The following PTPRT variants were observed in gnomAD, a reference collection of about 807,000 sequenced individuals.
The protein encoded by PTPRT is protein tyrosine phosphatase receptor type T.
PTPRT carries 56 observed loss-of-function variants against 176.8 expected under a neutral mutation model. That is an observed-to-expected ratio of 0.32 (90% confidence interval 0.26 to 0.40). PTPRT has a LOEUF of 0.40. Among genes scored for constraint, PTPRT ranks in the 10% least tolerant of loss-of-function variants. The pLI, the probability that PTPRT is intolerant of heterozygous loss-of-function variation, is 1.00. For missense variants in PTPRT, 1,540 were observed against 1,908.2 expected, an observed-to-expected ratio of 0.81 and a Z score of 3.60; for synonymous variants, 783 against 739.0, an observed-to-expected ratio of 1.06 and a Z score of -0.96.
At chr20:42,853,552 T>C (rs938219034) in intron 2 of PTPRT, among the ~76,000 whole-genome samples, 2 of 151,786 alleles carry the variant, frequency 1.3e-5, no homozygotes, top group African/African-American at 4.8e-5. Context: ...AGGAGAAGAG[T>C]CCTAGCTCAA....
chr20:43,123,352 T>C lies in PTPRT; in HGVS notation c.88+66294A>G, dbSNP rs192833271. 3.9e-5 allele frequency among the ~76,000 whole-genome samples: 6 copies of C among 152,340 alleles called. No individual in the cohort carries two copies. In the East Asian group the frequency reaches 9.7e-4, roughly 25 times the overall value. On this transcript the variant is annotated intron_variant, in intron 1 of 30. Transcript: ENST00000373187. ...TCCACACTAGGTCTTTTAGAATGCA[T>C]GTTGTGGCAGAAACTGTCAGTCATC...
At chr20:42,983,655 G>A (rs1983400792) in intron 1 of PTPRT, among the ~76,000 whole-genome samples, 1 of 152,214 alleles carries the variant, frequency 6.6e-6, no homozygotes, top group South Asian at 2.1e-4. Context: ...AGTCCACAGG[G>A]AGGTGTGGCC....
chr20:42,723,717 T>C (rs1011847647), intron 6 of PTPRT, among the ~76,000 whole-genome samples: 1 of 152,214 alleles, frequency 6.6e-6, no homozygotes, highest in African/African-American at 2.4e-5. Context: ...CCACGTGCTT[T>C]TGAGATATCC....
chr20:42,964,554 G>T (rs1982187009), intron 1 of PTPRT, among the ~76,000 whole-genome samples: 1 of 152,048 alleles, frequency 6.6e-6, no homozygotes, highest in African/African-American at 2.4e-5. Flanking sequence ...AATAGTTTGA[G>T]AATTTAATAC....
At position 42,077,886 on chromosome 20, in the gene PTPRT, C is replaced by T. The variant is rs1982935285; in HGVS notation, c.*2993G>A. 2 of 203,682 alleles carry T rather than the reference C, an allele frequency of 9.8e-6. No homozygotes were observed. Among genetic ancestry groups the T allele is most frequent in the Admixed American group, 6.0e-5 (1 of 16,590 alleles). 12.6% of individuals were successfully genotyped at this position (203,682 alleles called of 1,614,324 possible). ...TCCTACCATTTAAAATGATAAAAGCCACTGTCTTTTGTATCTGCCAGCTAT... is the reference window on the plus strand; with the variant it reads ...TCCTACCATTTAAAATGATAAAAGCTACTGTCTTTTGTATCTGCCAGCTAT... On this transcript the variant is annotated 3_prime_UTR_variant, in exon 31 of 31. Transcript: ENST00000373187.
intron 16 of PTPRT, among the ~76,000 whole-genome samples, chr20:42,180,918 T>C (rs1990492363): frequency 6.6e-6 from 1 of 152,234 alleles, no homozygotes; most frequent in Non-Finnish European, 1.5e-5. Flanking sequence ...GCTCTACTAC[T>C]AATAGCTATG....
chr20:42,621,876 A>G (rs7360961), intron 7 of PTPRT, among the ~76,000 whole-genome samples: 31,468 of 152,112 alleles, frequency 0.21, 4,514 homozygotes, highest in African/African-American at 0.41. Flanking sequence ...ATGAAAGAGA[A>G]CAGCTAATAG....
chr20:42,859,059 G>T (rs142778654), intron 2 of PTPRT, among the ~76,000 whole-genome samples: 3 of 152,160 alleles, frequency 2.0e-5, no homozygotes, highest in African/African-American at 4.8e-5. Flanking sequence ...GAGCTGCAGC[G>T]TCAGGAGAAG....
intron 1 of PTPRT, among the ~76,000 whole-genome samples, chr20:42,904,443 G>A (rs1408994136): frequency 3.3e-5 from 5 of 152,166 alleles, no homozygotes; most frequent in African/African-American, 9.7e-5. Context: ...CATGACCTTG[G>A]CTGAGTCACT....
rs148049709 is a variant in PTPRT at position 42,975,218 on chromosome 20, C to T, written c.89-89286G>A. Among the ~76,000 whole-genome samples the T allele has an allele frequency of 5.0e-3, 760 of 152,226 alleles. 6 individuals carry two copies. Among genetic ancestry groups the T allele is most frequent in the African/African-American group, 0.017 (718 of 41,540 alleles). ...ATCTAATATCCACTCAATGGAATAT[C>T]ATGCAGCCACTCAAAGCTATTTTTA... On this transcript the variant is annotated intron_variant, in intron 1 of 30. Coordinates refer to ENST00000373187, the MANE Select transcript of PTPRT (RefSeq NM_007050.6).
At chr20:42,208,209 C>A (rs1256650472) in intron 15 of PTPRT, among the ~76,000 whole-genome samples, 1 of 111,196 alleles carries the variant, frequency 9.0e-6, no homozygotes, top group Admixed American at 8.7e-5. Context: ...TAAAGACCAT[C>A]GAGACTAGGA....
chr20:42,157,949 T>A (rs1166278938), intron 17 of PTPRT, among the ~76,000 whole-genome samples: 2 of 152,090 alleles, frequency 1.3e-5, no homozygotes, highest in Non-Finnish European at 2.9e-5. Context: ...CAGTGGACAA[T>A]CCCAGCTGAA....
At chr20:43,034,314 C>A (rs993964879) in intron 1 of PTPRT, among the ~76,000 whole-genome samples, 5 of 152,138 alleles carry the variant, frequency 3.3e-5, no homozygotes, top group African/African-American at 1.2e-4. Context: ...CCCTTTGATG[C>A]ATCTTGTAGA....
intron 8 of PTPRT, among the ~76,000 whole-genome samples, chr20:42,470,152 C>G (rs1298676984): frequency 1.3e-5 from 2 of 152,222 alleles, no homozygotes; most frequent in Non-Finnish European, 2.9e-5. Flanking sequence ...AATGCCAGTG[C>G]TCTGGCTAGA....
intron 13 of PTPRT, among the ~76,000 whole-genome samples, chr20:42,278,412 G>A (rs867153028): frequency 9.9e-5 from 15 of 151,750 alleles, no homozygotes; most frequent in Admixed American, 3.3e-4. Flanking sequence ...GTGCCAGAGT[G>A]TAATAAGAGA....
intron 1 of PTPRT, among the ~76,000 whole-genome samples, chr20:42,896,973 G>A (rs1442609581): frequency 6.6e-6 from 1 of 152,176 alleles, no homozygotes; most frequent in Admixed American, 6.5e-5. Flanking sequence ...AATTGAATTT[G>A]GAGAAGTGTG....
intron 13 of PTPRT, among the ~76,000 whole-genome samples, chr20:42,262,978 T>C (rs1341647483): frequency 1.3e-5 from 2 of 152,178 alleles, no homozygotes; most frequent in East Asian, 3.9e-4. Flanking sequence ...TCCTAGAGGA[T>C]GAGTAAGGCA....
In PTPRT at chr20:42,316,203, G is replaced by C. The variant is rs192386779; in HGVS notation, c.1866-207C>G. Among the ~76,000 whole-genome samples, 53 of 152,300 alleles carry C rather than the reference G, an allele frequency of 3.5e-4. No homozygotes were observed. The East Asian group carries it at 8.9e-3, about 25-fold the overall frequency. ...GCTGTCTCAGAGCCAGCTCACACTA[G>C]ACACATCTAAAACTCAACTTAGCCC... is the stretch of plus-strand genomic sequence containing the variant. On this transcript the variant is annotated intron_variant, in intron 11 of 30. Transcript: ENST00000373187.
intron 7 of PTPRT, among the ~76,000 whole-genome samples, chr20:42,562,870 T>A (rs2072975328): frequency 6.6e-6 from 1 of 152,152 alleles, no homozygotes; most frequent in Non-Finnish European, 1.5e-5. Flanking sequence ...GCCTTCAGAA[T>A]AAATTAAAGT....
Sources: gnomAD v4.1 joint callset for allele counts (sites outside exome capture counted in the v4.1 genomes callset) on GRCh38, gnomAD v4.1.1 for gene constraint, MANE v1.5 for transcripts, NCBI Gene and HGNC (gene_info 2026-07-23, HGNC 2026-07-21) for gene names.